ABI1: variants seen among roughly 807,000 people sequenced by gnomAD.
ABI1 encodes the protein abl interactor 1, also known as Abelson interactor 1.
Under a neutral mutation model 54.6 loss-of-function variants are expected in ABI1, and 14 were observed. The ratio of observed to expected loss-of-function variants is 0.26; its 90% CI spans 0.17 to 0.40. The LOEUF (loss-of-function observed/expected upper bound fraction) is 0.40, where lower values mean the gene tolerates loss of function less well. ABI1 is among the 10% of genes least tolerant of loss of function. The pLI, the probability that ABI1 is intolerant of heterozygous loss-of-function variation, is 1.00. For synonymous variants in ABI1, 194 were observed against 209.3 expected (o/e 0.93, Z 0.63); for missense variants, 443 against 598.3 (o/e 0.74, Z 2.71).
intron 1 of ABI1, among the ~76,000 whole-genome samples, chr10:26,834,253 T>A (rs551763238): frequency 1.3e-5 from 2 of 151,662 alleles, no homozygotes; most frequent in African/African-American, 2.4e-5. Flanking sequence ...AGAAAAAAAA[T>A]TAATATACTG....
chr10:26,854,056 T>A (rs56327774), intron 1 of ABI1, among the ~76,000 whole-genome samples: 1 of 152,308 alleles, frequency 6.6e-6, no homozygotes, highest in Non-Finnish European at 1.5e-5. Flanking sequence ...AGATCCCCAG[T>A]TGCCTAAATA....
chr10:26,754,783 T>C (rs953348288), intron 9 of ABI1, among the ~76,000 whole-genome samples: 5 of 152,232 alleles, frequency 3.3e-5, no homozygotes, highest in African/African-American at 1.2e-4. Flanking sequence ...ACAGCTTTTC[T>C]AGCATATTAT....
rs186091060 is a variant in ABI1 at position 26,766,086 on chromosome 10, C to T, written c.720-768G>A. Among the ~76,000 whole-genome samples the T allele has an allele frequency of 2.5e-3, 383 of 152,262 alleles. 1 individual carries two copies. Among genetic ancestry groups the T allele is most frequent in the African/African-American group, 9.0e-3 (374 of 41,560 alleles). ...AAGTAAATTAAAAGGGTACTCCGTT[C>T]TAGTCTAAAATTAATATGAAACTTC... On this transcript the variant is annotated intron_variant, in intron 6 of 10. Transcript: ENST00000376140.
chr10:26,856,881 T>A (rs2050860677), intron 1 of ABI1, among the ~76,000 whole-genome samples: 1 of 152,192 alleles, frequency 6.6e-6, no homozygotes, highest in South Asian at 2.1e-4. Flanking sequence ...AAAGGCAGTA[T>A]GAACTAACTC....
intron 2 of ABI1, among the ~76,000 whole-genome samples, chr10:26,811,130 G>A (rs1436940948): frequency 6.6e-6 from 1 of 152,118 alleles, no homozygotes; most frequent in Non-Finnish European, 1.5e-5. Flanking sequence ...TAAGCTCATA[G>A]TAGTACCAGG....
intron 9 of ABI1, among the ~76,000 whole-genome samples, chr10:26,754,313 C>A (rs1405978674): frequency 6.6e-6 from 1 of 152,144 alleles, no homozygotes; most frequent in East Asian, 1.9e-4. Context: ...CTACACCTGG[C>A]TAATTTTTTA....
chr10:26,761,855 A>G (rs1839276922), intron 7 of ABI1, among the ~76,000 whole-genome samples: 1 of 151,396 alleles, frequency 6.6e-6, no homozygotes, highest in Non-Finnish European at 1.5e-5. Flanking sequence ...ATGTAAATAT[A>G]TCATAATTTA....
chr10:26,786,307 A>C (rs1842730351), intron 2 of ABI1, among the ~76,000 whole-genome samples: 1 of 150,826 alleles, frequency 6.6e-6, no homozygotes, highest in Non-Finnish European at 1.5e-5. Flanking sequence ...TCTGCCTCCC[A>C]GGTTCAAGCG....
chr10:26,751,891 TAAA>T, intron 9 of ABI1, 108 bp from the exon 10 acceptor site: 2 of 952,800 alleles, frequency 2.1e-6, no homozygotes, highest in Non-Finnish European at 3.0e-6. Context: ...TGCACTATAA[TAAA>T]ACATGCAATG....
At chr10:26,761,690 AAAC>A (rs1223463933) in intron 7 of ABI1, among the ~76,000 whole-genome samples, 6 of 142,520 alleles carry the variant, frequency 4.2e-5, no homozygotes, top group Non-Finnish European at 7.6e-5. Context: ...ATATAACCTT[AAAC>A]AATACACACA....
chr10:26,843,759 C>G (rs1189348405), intron 1 of ABI1, among the ~76,000 whole-genome samples: 1 of 150,784 alleles, frequency 6.6e-6, no homozygotes, highest in African/African-American at 2.4e-5. Context: ...GGAAGAAATA[C>G]CCAATTGAGT....
At chr10:26,750,854 C>G (rs184491010) in intron 10 of ABI1, among the ~76,000 whole-genome samples, 1 of 152,220 alleles carries the variant, frequency 6.6e-6, no homozygotes, top group African/African-American at 2.4e-5. Flanking sequence ...ATATCGGGTA[C>G]TATAGGTAAA....
chr10:26,749,573 T>C (rs1837351354), intron 10 of ABI1, among the ~76,000 whole-genome samples: 2 of 152,224 alleles, frequency 1.3e-5, no homozygotes, highest in African/African-American at 4.8e-5. Context: ...ACCCATCACG[T>C]GAGGTCAGGT....
rs766377964 is a variant in ABI1 at position 26,860,812 on chromosome 10, C to T, written c.52G>A (p.Ala18Thr). ...LEEEIPSGKR[A>T]LIESYQNLTR... is the part of the protein sequence containing the mutation. ...AGGTTCTGGTAACTCTCGATCAGCG[C>T]CCTCTTGCCAGACGGGATCTCCTCC... is the stretch of plus-strand genomic sequence containing the variant. Residue 18 changes from alanine (A) to threonine (T), a missense_variant, in exon 1 of 11, where the codon GCG becomes ACG. Ala to Thr is a moderately conservative substitution (Grantham distance 58). This residue lies in a region of ABI1 where 394 missense variants were observed against 484.8 expected (regional missense o/e 0.81). Transcript: ENST00000376140. This position sits in a 1 kb window ranked among gnomAD's most constrained non-coding sequence, Gnocchi z 4.1. The T allele has an allele frequency of 1.2e-6, 2 of 1,614,058 alleles. No homozygotes were observed. The highest frequency in any genetic ancestry group is 1.1e-5 in the South Asian group (1 of 91,086).
At chr10:26,859,791 T>A (rs2051146715) in intron 1 of ABI1, among the ~76,000 whole-genome samples, 3 of 152,168 alleles carry the variant, frequency 2.0e-5, no homozygotes, top group Admixed American at 2.0e-4. Flanking sequence ...GAGAGAAACC[T>A]CAGAAAATAA....
At chr10:26,843,453 C>CAAAAAAAAAAAAA (rs147957853) in intron 1 of ABI1, among the ~76,000 whole-genome samples, 3 of 53,084 alleles carry the variant, frequency 5.7e-5, no homozygotes, top group Admixed American at 3.3e-4. Flanking sequence ...GACTCCGTCT[C>CAAAAAAAAAAAAA]AAAAAAAAAA....
chr10:26,823,898 G>A (rs1463054901), intron 1 of ABI1, among the ~76,000 whole-genome samples: 1 of 151,916 alleles, frequency 6.6e-6, no homozygotes, highest in African/African-American at 2.4e-5. Flanking sequence ...CAAACTGTAG[G>A]TGGGTAAGAA....
chr10:26,766,733 A>G (rs1008157677), intron 6 of ABI1, among the ~76,000 whole-genome samples: 2 of 152,200 alleles, frequency 1.3e-5, no homozygotes, highest in Non-Finnish European at 2.9e-5. Context: ...TTGGCAAATT[A>G]TGGCCTGTGG....
At chr10:26,843,162 T>C (rs151048623) in intron 1 of ABI1, among the ~76,000 whole-genome samples, 1 of 151,426 alleles carries the variant, frequency 6.6e-6, no homozygotes, top group Non-Finnish European at 1.5e-5. Context: ...GGTCAAAATA[T>C]CTTGGTGGGG....
Sources: allele counts gnomAD v4.1 joint callset (sites outside exome capture counted in the v4.1 genomes callset), GRCh38; gene constraint gnomAD v4.1.1; regional missense constraint gnomAD v4.1.1; non-coding constraint Gnocchi (gnomAD v3.1); transcripts MANE v1.5; gene names NCBI Gene and HGNC (gene_info 2026-07-23, HGNC 2026-07-21).